The following LAP3 variants were observed in gnomAD, a reference collection of about 807,000 sequenced individuals.
The protein encoded by LAP3 is leucine aminopeptidase 3.
Under a neutral mutation model 58.8 loss-of-function variants are expected in LAP3, and 46 were observed. The ratio of observed to expected loss-of-function variants is 0.78; its 90% confidence interval spans 0.62 to 1.00. LAP3 has a LOEUF of 1.00. Ranked by LOEUF, LAP3 falls within the 50% of genes least tolerant of loss-of-function variation. LAP3 has a pLI of 0.00. For missense variants in LAP3, 615 were observed against 659.1 expected, an observed-to-expected ratio of 0.93 and a Z score of 0.73; for synonymous variants, 257 against 237.7, an observed-to-expected ratio of 1.08 and a Z score of -0.75.
intron 9 of LAP3, among the ~76,000 whole-genome samples, chr4:17,597,762 G>A (rs1713867393): frequency 1.3e-5 from 2 of 152,188 alleles, no homozygotes; most frequent in South Asian, 4.1e-4. Flanking sequence ...ATATACCTGT[G>A]CTATGAGTGA....
At chr4:17,588,681 C>G in intron 6 of LAP3, 138 bp from the exon 7 acceptor site, 2 of 714,202 alleles carry the variant, frequency 2.8e-6, no homozygotes, top group Non-Finnish European at 4.4e-6. Context: ...ATAATGGGAC[C>G]TGATAATTGA....
At chr4:17,603,349 T>G (rs1003200493) in intron 10 of LAP3, among the ~76,000 whole-genome samples, 4 of 151,920 alleles carry the variant, frequency 2.6e-5, no homozygotes, top group African/African-American at 9.7e-5. Context: ...CAGGATGGCC[T>G]TGTTTTTTAT....
chr4:17,607,281 TTA>T, intron 12 of LAP3, 117 bp from the exon 13 acceptor site: 2 of 755,806 alleles, frequency 2.6e-6, no homozygotes, highest in South Asian at 3.9e-5. Context: ...GGTTAGCATC[TTA>T]ATAGGTCTTA....
rs202074365 is a variant in LAP3 at position 17,583,437 on chromosome 4, T to G, written c.380-46T>G. ...ATGCCTCTGCTGTCTGCTCTTTGAG[T>G]TGTCTTGGACTGACTCCAGTTTTCT... On this transcript the variant is annotated intron_variant, in intron 4 of 12. Transcript: ENST00000226299. 136 of 1,607,758 alleles carry G rather than the reference T, an allele frequency of 8.5e-5. No individual in the cohort carries two copies. In the African/African-American group the frequency reaches 1.5e-3, roughly 18 times the overall value.
intron 10 of LAP3, among the ~76,000 whole-genome samples, chr4:17,600,839 C>T (rs573693183): frequency 3.0e-4 from 45 of 152,106 alleles, no homozygotes; most frequent in Non-Finnish European, 5.3e-4. Flanking sequence ...TTTAATAGCA[C>T]GTTAAAAGTT....
chr4:17,585,158 G>T, intron 6 of LAP3, 22 bp downstream of exon 6: 2 of 1,595,594 alleles, frequency 1.3e-6, no homozygotes, highest in South Asian at 1.1e-5. Context: ...TTGTGTCACA[G>T]ACTCGAGATG....
chr4:17,606,919 A>G lies in LAP3; in HGVS notation c.1351A>G (p.Asn451Asp). The change falls in exon 12 of 13, where the codon AAC becomes GAC. Residue 451 changes from asparagine (N) to aspartate (D), a missense_variant. Physicochemically the swap from Asn to Asp is conservative, Grantham distance 23. Transcript: ENST00000226299. ...TGTAGATTGCCAGCTTGCTGATGTT[A>G]ACAACATTGGAAAATACAGGTATGT... ...QVVDCQLADV[N>D]NIGKYRSAGA... 6.2e-7 allele frequency: 1 copy of G among 1,610,478 alleles called. No homozygotes were observed. The highest frequency in any genetic ancestry group is 1.1e-5 in the South Asian group (1 of 90,782).
chr4:17,600,446 C>T (rs966156595), intron 10 of LAP3, among the ~76,000 whole-genome samples: 2 of 152,164 alleles, frequency 1.3e-5, no homozygotes, highest in African/African-American at 4.8e-5. Flanking sequence ...GAAGCGAGTA[C>T]CCCCTTACTG....
intron 8 of LAP3, among the ~76,000 whole-genome samples, chr4:17,596,016 C>T (rs1713817728): frequency 6.6e-6 from 1 of 151,990 alleles, no homozygotes; most frequent in African/African-American, 2.4e-5. Flanking sequence ...AATAGCATTG[C>T]TCATACTCAT....
intron 7 of LAP3, among the ~76,000 whole-genome samples, chr4:17,591,152 T>C (rs1470854634): frequency 1.3e-5 from 2 of 151,484 alleles, no homozygotes; most frequent in African/African-American, 2.4e-5. Context: ...TCTTGGCTCA[T>C]TGCAACCTCT....
chr4:17,586,330 T>G (rs1012181664), intron 6 of LAP3: 1 of 152,228 alleles, frequency 6.6e-6, no homozygotes, highest in Non-Finnish European at 1.5e-5. Context: ...TAATTGTGAT[T>G]AGAGTTCGTG....
Position 17,582,387 on chromosome 4 carries a change from G to A in LAP3, c.373G>A (p.Val125Ile), listed in dbSNP as rs150285021. The change falls in exon 4 of 13, where the codon GTT becomes ATT. Residue 125 changes from valine (V) to isoleucine (I), a missense_variant. Coordinates refer to ENST00000226299, the MANE Select transcript of LAP3 (RefSeq NM_015907.3). ...AGGCAAAGAAAACATCAGAGCTGCT[G>A]TTGCAGGTTATTTCACTTTTTAAGT... The part of the protein sequence containing the change: ...HEGKENIRAA[V>I]AAGCRQIQDL... 9 of 1,611,580 alleles carry A rather than the reference G, an allele frequency of 5.6e-6. No homozygotes were observed. The South Asian group carries it at 9.9e-5, about 18-fold the overall frequency.
Position 17,585,123 on chromosome 4 carries a change from G to C in LAP3, c.691G>C (p.Glu231Gln). The change falls in exon 6 of 13, where the codon GAG becomes CAG. Residue 231 changes from glutamate to glutamine, a missense_variant. Glu to Gln is a conservative substitution (Grantham distance 29). Coordinates refer to ENST00000226299, the MANE Select transcript of LAP3 (RefSeq NM_015907.3). ...TCTCAAAAGTGCTAGTAGTAAAACCGAGGTCCATATCAGGTAATTCAGGAT... is the reference window on the plus strand; with the variant it reads ...TCTCAAAAGTGCTAGTAGTAAAACCCAGGTCCATATCAGGTAATTCAGGAT... ...KNLKSASSKT[E>Q]VHIRPKSWIE... The C allele has an allele frequency of 6.2e-7, 1 of 1,613,132 alleles. No individual in the cohort carries two copies.
At chr4:17,586,890 G>C (rs1157715998) in intron 6 of LAP3, among the ~76,000 whole-genome samples, 2 of 152,204 alleles carry the variant, frequency 1.3e-5, no homozygotes, top group African/African-American at 4.8e-5. Flanking sequence ...TGGATCACTT[G>C]AGGTCAGGAA....
In LAP3 at chr4:17,590,791, C is replaced by T. The variant is rs372169221; in HGVS notation, c.863+1814C>T. On this transcript the variant is annotated intron_variant, in intron 7 of 12. Coordinates refer to ENST00000226299, the MANE Select transcript of LAP3 (RefSeq NM_015907.3). Reference sequence around the variant, plus strand: ...TTTCAGCTTGTTAGCCAGGTGGTCTCGATCTCCTGACCTCGTCATCTGCCC... The same window carrying T: ...TTTCAGCTTGTTAGCCAGGTGGTCTTGATCTCCTGACCTCGTCATCTGCCC... Among the ~76,000 whole-genome samples the T allele has an allele frequency of 3.3e-5, 5 of 152,088 alleles. No homozygotes were observed. The East Asian group carries it at 5.8e-4, about 18-fold the overall frequency.
intron 5 of LAP3, among the ~76,000 whole-genome samples, chr4:17,584,434 A>G (rs1234573641): frequency 6.6e-6 from 1 of 152,228 alleles, no homozygotes; most frequent in Non-Finnish European, 1.5e-5. Flanking sequence ...CAGGGTTGTG[A>G]AACACGTGCC....
intron 10 of LAP3, among the ~76,000 whole-genome samples, chr4:17,602,496 T>C (rs1260525832): frequency 3.9e-5 from 6 of 152,174 alleles, no homozygotes; most frequent in Non-Finnish European, 8.8e-5. Context: ...GACACAACTT[T>C]GTTGGAGAAA....
intron 1 of LAP3, 144 bp downstream of exon 1, chr4:17,577,711 CG>C: frequency 1.6e-6 from 1 of 640,166 alleles, no homozygotes; most frequent in Non-Finnish European, 2.6e-6. Flanking sequence ...TCTCTCCTTG[CG>C]GGGATCGGCC....
Position 17,607,526 on chromosome 4 carries a change from G to T in LAP3, c.1497G>T (p.Met499Ile). ...KDEVPYLRKG[M>I]TGRPTRTLIE... Reference sequence around the variant, plus strand: ...AAGTTCCCTATCTACGGAAAGGCATGACTGGGAGGCCCACAAGGACTCTCA... The same window carrying T: ...AAGTTCCCTATCTACGGAAAGGCATTACTGGGAGGCCCACAAGGACTCTCA... Residue 499 changes from methionine (M) to isoleucine (I), a missense_variant, in exon 13 of 13, where the codon ATG becomes ATT. Transcript: ENST00000226299. 6.2e-7 allele frequency: 1 copy of T among 1,614,098 alleles called. No individual in the cohort carries two copies.
Sources: gnomAD v4.1 joint callset for allele counts (sites outside exome capture counted in the v4.1 genomes callset) on GRCh38, gnomAD v4.1.1 for gene constraint, MANE v1.5 for transcripts, NCBI Gene and HGNC (gene_info 2026-07-23, HGNC 2026-07-21) for gene names.